The following MGAT4C variants were observed in gnomAD, a reference collection of about 807,000 sequenced individuals.
MGAT4C encodes MGAT4 family member C, also known as alpha-1,3-mannosyl-glycoprotein 4-beta-N-acetylglucosaminyltransferase C.
A neutral mutation model predicts 40.1 loss-of-function variants in MGAT4C; 19 were observed. The observed-to-expected ratio is 0.47, with a 90% confidence interval of 0.33 to 0.70. MGAT4C has a LOEUF of 0.70. Among genes scored for constraint, MGAT4C ranks in the 30% least tolerant of loss-of-function variants. The probability of loss-of-function intolerance (pLI) is 0.02; values close to 1 mark genes in which losing one functional copy is unlikely to be tolerated. For synonymous variants in MGAT4C, 181 were observed against 187.1 expected (o/e 0.97, Z 0.27); for missense variants, 491 against 563.2 (o/e 0.87, Z 1.30).
chr12:86,434,473 A>G (rs1387255401), intron 3 of MGAT4C, among the ~76,000 whole-genome samples: 1 of 151,850 alleles, frequency 6.6e-6, no homozygotes, highest in African/African-American at 2.4e-5. Flanking sequence ...CTCAATATTT[A>G]TTGTCATTTT....
At chr12:86,487,631 T>C (rs1958044661) in intron 2 of MGAT4C, among the ~76,000 whole-genome samples, 1 of 152,230 alleles carries the variant, frequency 6.6e-6, no homozygotes, top group African/African-American at 2.4e-5. Context: ...AATGGTTAAG[T>C]TTAAATATAT....
At chr12:85,984,383 T>C (rs932253233) in intron 3 of MGAT4C, among the ~76,000 whole-genome samples, 1 of 152,142 alleles carries the variant, frequency 6.6e-6, no homozygotes, top group African/African-American at 2.4e-5. Context: ...AGTTTGTGTG[T>C]GTGTGTGTGT....
At chr12:86,324,161 T>C (rs1272232080) in intron 4 of MGAT4C, among the ~76,000 whole-genome samples, 1 of 151,920 alleles carries the variant, frequency 6.6e-6, no homozygotes, top group African/African-American at 2.4e-5. Flanking sequence ...TAAAAACAAA[T>C]AGCAATTTCT....
chr12:86,029,289 A>T (rs1342682129), intron 2 of MGAT4C, among the ~76,000 whole-genome samples: 1 of 151,928 alleles, frequency 6.6e-6, no homozygotes, highest in East Asian at 1.9e-4. Flanking sequence ...AGTACTAAAC[A>T]TCAGTGTGCA....
At chr12:86,495,614 T>C (rs1958222411) in intron 2 of MGAT4C, among the ~76,000 whole-genome samples, 1 of 151,966 alleles carries the variant, frequency 6.6e-6, no homozygotes, top group African/African-American at 2.4e-5. Context: ...GTGTTTTTAA[T>C]CTGGATCCCA....
At chr12:86,294,304 A>G (rs1277055579) in intron 4 of MGAT4C, among the ~76,000 whole-genome samples, 4 of 151,690 alleles carry the variant, frequency 2.6e-5, no homozygotes, top group African/African-American at 9.7e-5. Flanking sequence ...CTTTATCTGT[A>G]TCTTCCTAGC....
chr12:86,816,166 T>G (rs1952603024), intron 1 of MGAT4C, among the ~76,000 whole-genome samples: 1 of 151,988 alleles, frequency 6.6e-6, no homozygotes, highest in Non-Finnish European at 1.5e-5. Context: ...GATATATTTT[T>G]GCAGGTTTTC....
chr12:86,703,963 T>C (rs974205101), intron 2 of MGAT4C, among the ~76,000 whole-genome samples: 7 of 152,168 alleles, frequency 4.6e-5, no homozygotes, highest in Non-Finnish European at 8.8e-5. Context: ...CTTTTATTGT[T>C]ACTTTCTTTC....
chr12:86,660,799 G>A (rs1278765539), intron 2 of MGAT4C, among the ~76,000 whole-genome samples: 1 of 152,096 alleles, frequency 6.6e-6, no homozygotes, highest in African/African-American at 2.4e-5. Flanking sequence ...TCCTAGTTGG[G>A]ACATTCTATA....
chr12:86,774,368 C>CTCTCCCTT (rs1555227855), intron 1 of MGAT4C, among the ~76,000 whole-genome samples: 1 of 87,866 alleles, frequency 1.1e-5, no homozygotes, highest in Non-Finnish European at 2.2e-5. Context: ...CTCTCTCTCT[C>CTCTCCCTT]TCTTTCTGTC....
At chr12:86,423,270 CTATTAAA>C (rs1328024663) in intron 3 of MGAT4C, among the ~76,000 whole-genome samples, 1 of 151,628 alleles carries the variant, frequency 6.6e-6, no homozygotes, top group East Asian at 1.9e-4. Context: ...AAATAAAACA[CTATTAAA>C]TATTAAATAT....
chr12:86,132,791 C>CAAAAAAAAAAAAAAAAAAAAAAAAA (rs60321690), intron 1 of MGAT4C, among the ~76,000 whole-genome samples: 1 of 93,730 alleles, frequency 1.1e-5, no homozygotes. Context: ...GACTCCGTCT[C>CAAAAAAAAAAAAAAAAAAAAAAAAA]AAAAAAAAAA....
chr12:86,808,255 G>A (rs990330822), intron 1 of MGAT4C, among the ~76,000 whole-genome samples: 2 of 152,008 alleles, frequency 1.3e-5, no homozygotes, highest in Non-Finnish European at 2.9e-5. Context: ...TGAAAGGAGA[G>A]ACTCCTCTCT....
At chr12:86,175,087 A>C (rs1337065837) in intron 1 of MGAT4C, among the ~76,000 whole-genome samples, 1 of 152,144 alleles carries the variant, frequency 6.6e-6, no homozygotes, top group Non-Finnish European at 1.5e-5. Context: ...GTATAGCATA[A>C]ATTTCTATAA....
intron 1 of MGAT4C, among the ~76,000 whole-genome samples, chr12:86,187,169 A>T (rs1004766751): frequency 6.6e-6 from 1 of 152,076 alleles, no homozygotes; most frequent in Non-Finnish European, 1.5e-5. Context: ...TTATTAGGTG[A>T]TATGTATCAC....
At position 86,701,318 on chromosome 12, in the gene MGAT4C, CT is replaced by C. The variant is rs561617438; in HGVS notation, c.-229+25890del. Among the ~76,000 whole-genome samples the C allele has an allele frequency of 5.7e-3, 866 of 152,100 alleles. 6 individuals are homozygous for C. Among genetic ancestry groups the C allele is most frequent in the Non-Finnish European group, 9.9e-3 (671 of 67,990 alleles). ...CCGTTTTTCCAACAGCATGTGCTCA[CT>C]TTATGTCTCTGTCACATTTTGGTAA... On this transcript the variant is annotated intron_variant, in intron 2 of 7. Coordinates refer to the MGAT4C transcript ENST00000548651.
chr12:86,408,700 A>ATT (rs1222162386), intron 3 of MGAT4C, among the ~76,000 whole-genome samples: 1 of 151,658 alleles, frequency 6.6e-6, no homozygotes, highest in African/African-American at 2.4e-5. Context: ...ATTATGTAAC[A>ATT]TTTGTGACTC....
chr12:86,635,657 TTGTGTGTGTG>T (rs71309507), intron 2 of MGAT4C, among the ~76,000 whole-genome samples: 3 of 147,248 alleles, frequency 2.0e-5, no homozygotes, highest in South Asian at 4.3e-4. Context: ...TCTATATACA[TTGTGTGTGTG>T]TGTGTGTGTG....
chr12:86,468,359 G>T (rs895347002), intron 2 of MGAT4C, among the ~76,000 whole-genome samples: 1 of 151,782 alleles, frequency 6.6e-6, no homozygotes, highest in African/African-American at 2.4e-5. Flanking sequence ...TAGTTTAAAG[G>T]TTTTCCAGAA....
Sources: gnomAD v4.1 joint callset for allele counts (sites outside exome capture counted in the v4.1 genomes callset) on GRCh38, gnomAD v4.1.1 for gene constraint, MANE v1.5 for transcripts, NCBI Gene and HGNC (gene_info 2026-07-23, HGNC 2026-07-21) for gene names.